GRIK4: variants seen among roughly 807,000 people sequenced by gnomAD.
GRIK4 encodes glutamate receptor ionotropic, kainate 4.
A neutral mutation model predicts 104.9 loss-of-function variants in GRIK4; 40 were observed. The ratio of observed to expected loss-of-function variants is 0.38; its 90% CI spans 0.30 to 0.50. GRIK4 has a LOEUF of 0.50. Ranked by LOEUF, GRIK4 falls within the 20% of genes least tolerant of loss-of-function variation. GRIK4 has a pLI of 0.93. For synonymous variants in GRIK4, 485 were observed against 524.9 expected (o/e 0.92, Z 1.04); for missense variants, 1,047 against 1,308.1 (o/e 0.80, Z 3.08).
At position 120,802,789 on chromosome 11, in the gene GRIK4, G is replaced by T; in HGVS notation, c.179G>T (p.Gly60Val). The T allele has an allele frequency of 6.2e-7, 1 of 1,614,198 alleles. No homozygotes were observed. Among genetic ancestry groups the T allele is most frequent in the South Asian group, 1.1e-5 (1 of 91,076 alleles). Residue 60 changes from glycine (G) to valine (V), a missense_variant, in exon 4 of 21, where the codon GGC becomes GTC. This residue lies in a region of GRIK4 where 447 missense variants were observed against 514.9 expected (regional missense o/e 0.87). Coordinates refer to ENST00000527524, the MANE Select transcript of GRIK4 (RefSeq NM_014619.5). The stretch of plus-strand genomic sequence containing the variant: ...ATCAACCGCGCTCCTGAGAGGCTGG[G>T]CAAGGCCAAGGTCGAAGTGGACATC... ...NRINRAPERL[G>V]KAKVEVDIFE...
intron 3 of GRIK4, among the ~76,000 whole-genome samples, chr11:120,696,857 G>C (rs1409663628): frequency 1.3e-5 from 2 of 152,164 alleles, no homozygotes; most frequent in Non-Finnish European, 2.9e-5. Flanking sequence ...CTAACTCTTA[G>C]GCTGTCAGAG....
At chr11:120,671,165 G>A (rs879977446) in intron 3 of GRIK4, among the ~76,000 whole-genome samples, 7 of 152,258 alleles carry the variant, frequency 4.6e-5, no homozygotes, top group African/African-American at 1.7e-4. Flanking sequence ...GTAAACTTAC[G>A]TGTCCATATG....
At chr11:120,877,363 C>T (rs918400323) in intron 11 of GRIK4, among the ~76,000 whole-genome samples, 1 of 152,188 alleles carries the variant, frequency 6.6e-6, no homozygotes, top group African/African-American at 2.4e-5. Flanking sequence ...AGAGAGAGTG[C>T]TCATGGTCTG....
intron 2 of GRIK4, among the ~76,000 whole-genome samples, chr11:120,657,663 T>C (rs538442810): frequency 6.6e-6 from 1 of 152,356 alleles, no homozygotes; most frequent in African/African-American, 2.4e-5. Flanking sequence ...TGGGTGCTGA[T>C]GGCTCACAGA....
At position 120,513,669 on chromosome 11, in the gene GRIK4, G is replaced by A. The variant is rs1179412781; in HGVS notation, c.-159+1782G>A. Among the ~76,000 whole-genome samples the A allele has an allele frequency of 6.6e-6, 1 of 152,114 alleles. No homozygotes were observed. Among genetic ancestry groups the A allele is most frequent in the Admixed American group, 6.5e-5 (1 of 15,272 alleles). On this transcript the variant is annotated intron_variant, in intron 1 of 20. Transcript: ENST00000527524. This position sits in a 1 kb window ranked among gnomAD's most constrained non-coding sequence, Gnocchi z 4.5. Reference sequence around the variant, plus strand: ...ATATTTTGTTCATTCCTTGTGGCCCGGGCTTGCCCACCAGCCTCCCGCCTG... The same window carrying A: ...ATATTTTGTTCATTCCTTGTGGCCCAGGCTTGCCCACCAGCCTCCCGCCTG...
chr11:120,778,829 T>G (rs867411475), intron 3 of GRIK4, among the ~76,000 whole-genome samples: 5 of 152,184 alleles, frequency 3.3e-5, no homozygotes, highest in Non-Finnish European at 5.9e-5. Flanking sequence ...ATGCCTTTGT[T>G]TGGCTCAGGC....
chr11:120,516,844 A>G (rs945036835), intron 1 of GRIK4, among the ~76,000 whole-genome samples: 1 of 152,052 alleles, frequency 6.6e-6, no homozygotes, highest in African/African-American at 2.4e-5. Flanking sequence ...TCTGAGGGAA[A>G]GCTGACAGTG....
intron 3 of GRIK4, among the ~76,000 whole-genome samples, chr11:120,794,451 C>T (rs1196136761): frequency 6.6e-6 from 1 of 151,932 alleles, no homozygotes; most frequent in African/African-American, 2.4e-5. Context: ...GAAGCCCCAC[C>T]CCCTAAGACA....
Position 120,930,001 on chromosome 11 carries a change from T to TTGG in GRIK4, c.1477-10345_1477-10343dup, listed in dbSNP as rs1467924984. 1.2e-4 allele frequency among the ~76,000 whole-genome samples: 6 copies of TTGG among 52,082 alleles called. 1 individual carries two copies. The highest frequency in any genetic ancestry group is 9.9e-4 in the Admixed American group (4 of 4,032). The allele number at this position is 52,082 out of a possible 152,430, so 34.2% of individuals were successfully genotyped here. On this transcript the variant is annotated intron_variant, in intron 13 of 20. Transcript: ENST00000527524. The stretch of plus-strand genomic sequence containing the variant: ...GAAGGGGCTCGAGGGCAGGCCACGT[T>TTGG]TGGGGGGGGGGTCCCCTCCTTACCC...
At chr11:120,645,972 C>T (rs368447619) in intron 1 of GRIK4, among the ~76,000 whole-genome samples, 1 of 152,176 alleles carries the variant, frequency 6.6e-6, no homozygotes, top group African/African-American at 2.4e-5. Flanking sequence ...ACCAGAAGGG[C>T]GACTGATCCA....
chr11:120,813,839 C>T (rs1227405521), intron 4 of GRIK4, among the ~76,000 whole-genome samples: 1 of 152,174 alleles, frequency 6.6e-6, no homozygotes, highest in African/African-American at 2.4e-5. Flanking sequence ...GAAGAAAATA[C>T]ATATGGAGTT....
chr11:120,605,000 C>T (rs778230868), intron 1 of GRIK4, among the ~76,000 whole-genome samples: 4 of 152,168 alleles, frequency 2.6e-5, no homozygotes, highest in African/African-American at 7.2e-5. Flanking sequence ...GTAGCCGGGA[C>T]CACTGGTGTG....
intron 1 of GRIK4, among the ~76,000 whole-genome samples, chr11:120,594,795 A>G (rs1223072899): frequency 6.6e-6 from 1 of 152,124 alleles, no homozygotes; most frequent in Admixed American, 6.5e-5. Flanking sequence ...CCATGACTCC[A>G]TTGCCACTGA....
intron 6 of GRIK4, among the ~76,000 whole-genome samples, chr11:120,822,166 A>T (rs1953143655): frequency 6.8e-6 from 1 of 147,624 alleles, no homozygotes; most frequent in African/African-American, 2.5e-5. Flanking sequence ...AGCCGAGATC[A>T]TGCCACTGCA....
intron 3 of GRIK4, among the ~76,000 whole-genome samples, chr11:120,712,347 G>C (rs1950749657): frequency 6.6e-6 from 1 of 152,114 alleles, no homozygotes; most frequent in African/African-American, 2.4e-5. Flanking sequence ...AAAGAAACCA[G>C]GCCTGCTGGC....
intron 13 of GRIK4, among the ~76,000 whole-genome samples, chr11:120,938,368 A>G (rs1227464687): frequency 1.3e-5 from 2 of 152,186 alleles, no homozygotes; most frequent in African/African-American, 2.4e-5. Flanking sequence ...CACATTTTCT[A>G]TTTTGTAGTG....
intron 3 of GRIK4, among the ~76,000 whole-genome samples, chr11:120,784,906 C>G (rs766241664): frequency 6.6e-6 from 1 of 152,152 alleles, no homozygotes; most frequent in Admixed American, 6.5e-5. Context: ...CCCACTGGTG[C>G]CTGGCGTGAG....
rs1308308184 is a variant in GRIK4, at chr11:120,513,734, C to T, written c.-159+1847C>T. ...CCCCTCTGTCCTCCTCTGGACCTGC[C>T]ACCTGAAACCCAGAGGCAGCACTGG... On this transcript the variant is annotated intron_variant, in intron 1 of 20. Coordinates refer to ENST00000527524, the MANE Select transcript of GRIK4 (RefSeq NM_014619.5). This position sits in a 1 kb window ranked among gnomAD's most constrained non-coding sequence, Gnocchi z 4.5. Among the ~76,000 whole-genome samples, 1 of 152,190 alleles carries T rather than the reference C, an allele frequency of 6.6e-6. No homozygotes were observed. The highest frequency in any genetic ancestry group is 1.9e-4 in the East Asian group (1 of 5,194).
chr11:120,667,134 A>C (rs780691449), intron 3 of GRIK4, among the ~76,000 whole-genome samples: 4 of 152,166 alleles, frequency 2.6e-5, no homozygotes, highest in Non-Finnish European at 5.9e-5. Flanking sequence ...GGATTTGGTG[A>C]TACAATCTTT....
Sources: gnomAD v4.1 joint callset for allele counts (sites outside exome capture counted in the v4.1 genomes callset) on GRCh38, gnomAD v4.1.1 for gene constraint, gnomAD v4.1.1 regional missense constraint, Gnocchi (gnomAD v3.1) non-coding constraint, MANE v1.5 for transcripts, NCBI Gene and HGNC (gene_info 2026-07-23, HGNC 2026-07-21) for gene names.